AAK1: variants seen among roughly 807,000 people sequenced by gnomAD.
AAK1 encodes AP2-associated protein kinase 1.
In AAK1, 37 loss-of-function variants were observed where a neutral mutation model predicts 116.0. That is an observed-to-expected ratio of 0.32 (90% CI 0.25 to 0.42). The LOEUF is 0.42. AAK1 is among the 10% of genes least tolerant of loss of function. The pLI, the probability that AAK1 is intolerant of heterozygous loss-of-function variation, is 1.00. For synonymous variants in AAK1, 458 were observed against 439.9 expected (o/e 1.04, Z -0.51); for missense variants, 919 against 1,170.6 (o/e 0.79, Z 3.14).
At chr2:69,573,213 G>A (rs1198708830) in intron 2 of AAK1, among the ~76,000 whole-genome samples, 1 of 152,208 alleles carries the variant, frequency 6.6e-6, no homozygotes, top group African/African-American at 2.4e-5. Flanking sequence ...AAGGGTTGAA[G>A]AGAGAGGCCA....
chr2:69,612,017 G>C (rs916424445), intron 2 of AAK1, among the ~76,000 whole-genome samples: 1 of 152,236 alleles, frequency 6.6e-6, no homozygotes, highest in African/African-American at 2.4e-5. Flanking sequence ...TAGGGAGTTA[G>C]TGTTTAATGG....
intron 9 of AAK1, among the ~76,000 whole-genome samples, chr2:69,526,061 T>C (rs1398983695): frequency 6.6e-6 from 1 of 152,144 alleles, no homozygotes; most frequent in Non-Finnish European, 1.5e-5. Flanking sequence ...CTTCAAGCAT[T>C]CCTCTCCCAA....
At chr2:69,542,035 T>C (rs886427210) in intron 5 of AAK1, among the ~76,000 whole-genome samples, 3 of 152,196 alleles carry the variant, frequency 2.0e-5, no homozygotes, top group African/African-American at 7.2e-5. Context: ...TGGTGCCCAA[T>C]ACATGCTAAG....
rs2104850095 is a variant in AAK1, at chr2:69,459,971, T to G, written c.*15898A>C. On this transcript the variant is annotated 3_prime_UTR_variant, in exon 22 of 22. Coordinates refer to ENST00000409085, the MANE Select transcript of AAK1 (RefSeq NM_014911.5). The stretch of plus-strand genomic sequence containing the variant: ...TAAATTAGATAATTCCATTTAAAGT[T>G]TCCAATTCCTCGTTTAGGTGGAGTT... 1 of 152,296 alleles carries G rather than the reference T, an allele frequency of 6.6e-6. No homozygotes were observed. Among genetic ancestry groups the G allele is most frequent in the East Asian group, 1.9e-4 (1 of 5,184 alleles). 9.4% of individuals were successfully genotyped at this position (152,296 alleles called of 1,614,324 possible). A position where few individuals can be genotyped will look rare whatever the true frequency, so the allele number is the denominator to read the frequency against.
chr2:69,517,538 AAT>A lies in AAK1; in HGVS notation c.1497+1414_1497+1415del, dbSNP rs375797801. Among the ~76,000 whole-genome samples, 312 of 121,404 alleles carry A rather than the reference AAT, an allele frequency of 2.6e-3. 2 individuals carry two copies. Among genetic ancestry groups the A allele is most frequent in the African/African-American group, 7.8e-3 (306 of 39,190 alleles). 79.6% of individuals were successfully genotyped at this position (121,404 alleles called of 152,430 possible). On this transcript the variant is annotated intron_variant, in intron 12 of 21. Transcript: ENST00000409085. Reference sequence around the variant, plus strand: ...CTGAAAGTACACGCTCCCTGATCTTAATATCAGTGAAATAGAGGCCAGAGAGA... The same window carrying A: ...CTGAAAGTACACGCTCCCTGATCTTAATCAGTGAAATAGAGGCCAGAGAGA...
chr2:69,463,035 C>T lies in AAK1; in HGVS notation c.*12834G>A, dbSNP rs749793935. The T allele has an allele frequency of 6.6e-6, 1 of 152,116 alleles. No homozygotes were observed. The highest frequency in any genetic ancestry group is 1.5e-5 in the Non-Finnish European group (1 of 68,014). The allele number at this position is 152,116 out of a possible 1,614,324, so 9.4% of individuals were successfully genotyped here. A position where few individuals can be genotyped will look rare whatever the true frequency, so the allele number is the denominator to read the frequency against. On this transcript the variant is annotated 3_prime_UTR_variant, in exon 22 of 22. Coordinates refer to ENST00000409085, the MANE Select transcript of AAK1 (RefSeq NM_014911.5). ...TCAGGACATTTGAAATAGGCAGAGA[C>T]CACCAAAAAAGGACAAAGTATTGAA... is the stretch of plus-strand genomic sequence containing the variant.
Position 69,505,574 on chromosome 2 carries a change from C to G in AAK1, c.2264G>C (p.Gly755Ala). Residue 755 changes from glycine to alanine, a missense_variant, in exon 16 of 22, where the codon GGA (glycine) becomes GCA (alanine). Coordinates refer to ENST00000409085, the MANE Select transcript of AAK1 (RefSeq NM_014911.5). Reference sequence around the variant, plus strand: ...CAGGTATTTGCCATACTAACCAGTTCCAGCAGAAAATGAGGTCGTAGCAAA... The same window carrying G: ...CAGGTATTTGCCATACTAACCAGTTGCAGCAGAAAATGAGGTCGTAGCAAA... The part of the protein sequence containing the change: ...DAFATTSFSA[G>A]TAEKRKGGQT... The G allele has an allele frequency of 6.2e-7, 1 of 1,613,398 alleles. No individual in the cohort carries two copies. The highest frequency in any genetic ancestry group is 1.1e-5 in the South Asian group (1 of 91,046).
In AAK1 at chr2:69,474,966, A is replaced by T. The variant is rs1288796530; in HGVS notation, c.*903T>A. Reference sequence around the variant, plus strand: ...TCTGCTACAATTCCTTCCCCTCCCCATCCTCCCCCCACCCCCGCCCCAGTG... The same window carrying T: ...TCTGCTACAATTCCTTCCCCTCCCCTTCCTCCCCCCACCCCCGCCCCAGTG... On this transcript the variant is annotated 3_prime_UTR_variant, in exon 22 of 22. Transcript: ENST00000409085. 2 of 134,570 alleles carry T rather than the reference A, an allele frequency of 1.5e-5. No homozygotes were observed. Among genetic ancestry groups the T allele is most frequent in the African/African-American group, 6.1e-5 (1 of 16,378 alleles). 8.3% of individuals were successfully genotyped at this position (134,570 alleles called of 1,614,324 possible).
rs377265891 is a variant in AAK1, at chr2:69,473,849, T to C, written c.*2020A>G. 2.1e-5 allele frequency: 21 copies of C among 985,888 alleles called. No individual in the cohort carries two copies. The East Asian group carries it at 1.1e-3, about 53-fold the overall frequency. The allele number at this position is 985,888 out of a possible 1,614,324, so 61.1% of individuals were successfully genotyped here. On this transcript the variant is annotated 3_prime_UTR_variant, in exon 22 of 22. Transcript: ENST00000409085. ...ATGTCCAGGAAAGAGAATACAATTC[T>C]GACCTGCAGCAATTTTCCTGTCCAT...
chr2:69,590,181 TCTCCACAAA>T (rs1672969470), intron 2 of AAK1, among the ~76,000 whole-genome samples: 1 of 152,080 alleles, frequency 6.6e-6, no homozygotes, highest in African/African-American at 2.4e-5. Context: ...TTCTCTACAG[TCTCCACAAA>T]CTAGACAAGG....
At chr2:69,486,040 G>A (rs1200719151) in intron 17 of AAK1, among the ~76,000 whole-genome samples, 2 of 151,766 alleles carry the variant, frequency 1.3e-5, no homozygotes, top group African/African-American at 4.8e-5. Flanking sequence ...CTGCAGCCTC[G>A]AACTCTCGGG....
chr2:69,469,562 T>C lies in AAK1; in HGVS notation c.*6307A>G, dbSNP rs1674606444. ...AACCACATGCCTTGACCCAGTTCCT[T>C]TGGTAACCAATGGCACGTCATAGCA... On this transcript the variant is annotated 3_prime_UTR_variant, in exon 22 of 22. Coordinates refer to ENST00000409085, the MANE Select transcript of AAK1 (RefSeq NM_014911.5). 2.0e-6 allele frequency: 2 copies of C among 985,412 alleles called. No individual in the cohort carries two copies. Among genetic ancestry groups the C allele is most frequent in the Non-Finnish European group, 2.4e-6 (2 of 829,926 alleles). The allele number at this position is 985,412 out of a possible 1,614,324, so 61.0% of individuals were successfully genotyped here.
intron 17 of AAK1, among the ~76,000 whole-genome samples, chr2:69,485,195 T>C (rs1419344381): frequency 6.6e-6 from 1 of 152,208 alleles, no homozygotes; most frequent in East Asian, 1.9e-4. Flanking sequence ...AAGTTAGCAC[T>C]CATATATTTG....
At chr2:69,545,625 T>C (rs547040987) in intron 3 of AAK1, among the ~76,000 whole-genome samples, 2 of 152,262 alleles carry the variant, frequency 1.3e-5, no homozygotes, top group African/African-American at 4.8e-5. Context: ...CCCCATGGTA[T>C]GAAGTGAATA....
chr2:69,579,240 C>A (rs1324187585), intron 2 of AAK1, among the ~76,000 whole-genome samples: 2 of 152,122 alleles, frequency 1.3e-5, no homozygotes, highest in Non-Finnish European at 2.9e-5. Flanking sequence ...TCAGATGGCA[C>A]CTTGTGTGAC....
At chr2:69,531,928 G>C (rs1167680306) in intron 6 of AAK1, 113 bp downstream of exon 6, 1 of 1,481,716 alleles carries the variant, frequency 6.7e-7, no homozygotes, top group Non-Finnish European at 9.2e-7. Context: ...CTGAGATGAA[G>C]GACAACTGAC....
At chr2:69,565,553 C>T (rs1209844117) in intron 2 of AAK1, among the ~76,000 whole-genome samples, 2 of 152,236 alleles carry the variant, frequency 1.3e-5, no homozygotes, top group Admixed American at 1.3e-4. Flanking sequence ...AGGGTGCCAA[C>T]TGGTGTCCCC....
intron 2 of AAK1, among the ~76,000 whole-genome samples, chr2:69,582,856 C>T (rs998129568): frequency 1.3e-5 from 2 of 152,154 alleles, no homozygotes; most frequent in African/African-American, 4.8e-5. Context: ...AAAACTCTTC[C>T]CTGGAGCTCT....
chr2:69,525,988 G>A (rs1455540270), intron 9 of AAK1, among the ~76,000 whole-genome samples: 2 of 151,988 alleles, frequency 1.3e-5, no homozygotes, highest in Admixed American at 6.5e-5. Context: ...GGGTCCTCTC[G>A]CTTCCTTCAT....
Sources: allele counts gnomAD v4.1 joint callset (sites outside exome capture counted in the v4.1 genomes callset), GRCh38; gene constraint gnomAD v4.1.1; transcripts MANE v1.5; gene names NCBI Gene and HGNC (gene_info 2026-07-23, HGNC 2026-07-21).